Variants in SMR3A observed in about 807,000 individuals in gnomAD.
SMR3A encodes the protein submaxillary gland androgen-regulated protein 3A.
For missense variants in SMR3A, 188 were observed against 163.0 expected, an observed-to-expected ratio of 1.15 and a Z score of -0.84; for synonymous variants, 48 against 57.4, an observed-to-expected ratio of 0.84 and a Z score of 0.74.
intron 2 of SMR3A, among the ~76,000 whole-genome samples, chr4:70,364,301 G>C (rs1424373504): frequency 6.6e-6 from 1 of 151,840 alleles, no homozygotes; most frequent in Non-Finnish European, 1.5e-5. Flanking sequence ...AGAATCAAGA[G>C]GTCAAATCAA....
At position 70,362,147 on chromosome 4, in the gene SMR3A, G is replaced by C. The variant is rs1193599381; in HGVS notation, c.32G>C (p.Trp11Ser). 1.9e-6 allele frequency: 3 copies of C among 1,611,842 alleles called. No individual in the cohort carries two copies. The highest frequency in any genetic ancestry group is 2.5e-6 in the Non-Finnish European group (3 of 1,178,406). Reference protein sequence around the residue: MKSLTWILGLWALAACFTPGE... With the variant: MKSLTWILGLSALAACFTPGE... ...TCACTGACTTGGATCTTGGGCCTTT[G>C]GGCTCTTGCAGCGTGTTTCACAGTA... Residue 11 changes from tryptophan (W) to serine (S), a missense_variant, in exon 2 of 3, where the codon TGG becomes TCG. Coordinates refer to ENST00000226460, the MANE Select transcript of SMR3A (RefSeq NM_012390.4).
chr4:70,365,004 A>G (rs1049560873), intron 2 of SMR3A, among the ~76,000 whole-genome samples: 1 of 152,004 alleles, frequency 6.6e-6, no homozygotes, highest in African/African-American at 2.4e-5. Flanking sequence ...TTTGTGCCCT[A>G]TATAAACCAT....
intron 2 of SMR3A, among the ~76,000 whole-genome samples, chr4:70,363,602 A>G (rs533838714): frequency 1.7e-4 from 26 of 151,992 alleles, no homozygotes; most frequent in Middle Eastern, 3.4e-3. Flanking sequence ...TTGAGAGGGG[A>G]GTGTTTCTTC....
At chr4:70,362,945 A>G (rs995943499) in intron 2 of SMR3A, among the ~76,000 whole-genome samples, 5 of 151,888 alleles carry the variant, frequency 3.3e-5, no homozygotes, top group Non-Finnish European at 4.4e-5. Context: ...AACATGAAAC[A>G]TAAAATAATA....
chr4:70,364,362 C>G (rs1366099030), intron 2 of SMR3A, among the ~76,000 whole-genome samples: 1 of 151,506 alleles, frequency 6.6e-6, no homozygotes, highest in Non-Finnish European at 1.5e-5. Context: ...AGAATGAAAG[C>G]AAGAAAGATG....
rs1229494160 is a variant in SMR3A at position 70,366,746 on chromosome 4, C to G, written c.157C>G (p.Pro53Ala). 12 of 1,612,186 alleles carry G rather than the reference C, an allele frequency of 7.4e-6. No individual in the cohort carries two copies. The highest frequency in any genetic ancestry group is 9.3e-6 in the Non-Finnish European group (11 of 1,178,618). The change falls in exon 3 of 3, where the codon CCC becomes GCC. Residue 53 changes from proline (P) to alanine (A), a missense_variant. Pro to Ala is a conservative substitution (Grantham distance 27). Transcript: ENST00000226460. ...TTTTGGAACAGGATTTGTTCCACCA[C>G]CCCATCCTCCACCCTATGGTCCAGG... ...FPFGTGFVPPPHPPPYGPGRF... is the reference protein window; with the variant it reads ...FPFGTGFVPPAHPPPYGPGRF...
Position 70,366,912 on chromosome 4 carries a change from A to G in SMR3A, c.323A>G (p.Gln108Arg), listed in dbSNP as rs770925112. 2 of 1,613,296 alleles carry G rather than the reference A, an allele frequency of 1.2e-6. No homozygotes were observed. Among genetic ancestry groups the G allele is most frequent in the African/African-American group, 2.7e-5 (2 of 74,752 alleles). Reference protein sequence around the residue: ...YGPGYPQPPSQPRPYPPGPPF... With the variant: ...YGPGYPQPPSRPRPYPPGPPF... ...CCAGGTTATCCACAGCCACCTTCCC[A>G]ACCAAGACCCTATCCACCTGGACCT... Residue 108 changes from glutamine (Q) to arginine (R), a missense_variant, in exon 3 of 3, where the codon CAA becomes CGA. By Grantham distance (43) the Gln-to-Arg change is conservative. Transcript: ENST00000226460.
At chr4:70,362,357 G>A (rs562733598) in intron 2 of SMR3A, among the ~76,000 whole-genome samples, 188 bp downstream of exon 2, 1 of 151,898 alleles carries the variant, frequency 6.6e-6, no homozygotes, top group South Asian at 2.1e-4. Flanking sequence ...CCATATGTCT[G>A]ATGGCTACAA....
rs1299473951 is a variant in SMR3A at position 70,366,797 on chromosome 4, C to A, written c.208C>A (p.Pro70Thr). Residue 70 changes from proline to threonine, a missense_variant, in exon 3 of 3, where the codon CCC (proline) becomes ACC (threonine). Transcript: ENST00000226460. ...PGRFPPPLSP[P>T]YGPGRIPPSP... is the part of the protein sequence containing the mutation. Reference sequence around the variant, plus strand: ...GAGATTTCCACCACCCCTTTCTCCACCCTATGGTCCAGGGAGAATCCCACC... The same window carrying A: ...GAGATTTCCACCACCCCTTTCTCCAACCTATGGTCCAGGGAGAATCCCACC... 1 of 1,613,508 alleles carries A rather than the reference C, an allele frequency of 6.2e-7. No homozygotes were observed. Among genetic ancestry groups the A allele is most frequent in the South Asian group, 1.1e-5 (1 of 91,062 alleles).
In SMR3A at chr4:70,366,663, G is replaced by T. The variant is rs377303942; in HGVS notation, c.74G>T (p.Gly25Val). The T allele has an allele frequency of 1.2e-5, 19 of 1,609,600 alleles. No homozygotes were observed. In the Admixed American group the frequency reaches 2.0e-4, roughly 17 times the overall value. The change falls in exon 3 of 3, where the codon GGC becomes GTC. Residue 25 changes from glycine (G) to valine (V), a missense_variant. By Grantham distance (109) the Gly-to-Val change is moderately radical. Transcript: ENST00000226460. The stretch of plus-strand genomic sequence containing the variant: ...CCACAGCCTGGTGAGAGTCAAAGAG[G>T]CCCCAGGGGACCATATCCACCTGGA... ...ACFTPGESQR[G>V]PRGPYPPGPL...
At chr4:70,366,052 A>T (rs1055815267) in intron 2 of SMR3A, among the ~76,000 whole-genome samples, 15 of 152,044 alleles carry the variant, frequency 9.9e-5, no homozygotes, top group African/African-American at 2.7e-4. Flanking sequence ...AAGTTCATAC[A>T]TCATAACTTA....
chr4:70,365,372 C>T (rs138998399), intron 2 of SMR3A, among the ~76,000 whole-genome samples: 107 of 152,092 alleles, frequency 7.0e-4, no homozygotes, highest in African/African-American at 2.5e-3. Flanking sequence ...CCACCATATC[C>T]AGCCTCAGCT....
intron 2 of SMR3A, among the ~76,000 whole-genome samples, chr4:70,362,931 C>G (rs1022476196): frequency 1.3e-5 from 2 of 151,818 alleles, no homozygotes; most frequent in African/African-American, 4.8e-5. Context: ...TTATATCATT[C>G]TGAAACATGA....
At chr4:70,366,464 T>C (rs1732263415) in intron 2 of SMR3A, among the ~76,000 whole-genome samples, 180 bp from the exon 3 acceptor site, 1 of 152,082 alleles carries the variant, frequency 6.6e-6, no homozygotes, top group African/African-American at 2.4e-5. Context: ...CTCTGATTCC[T>C]TCTCACATTG....
Position 70,367,057 on chromosome 4 carries a change from C to T in SMR3A, c.*63C>T. The T allele has an allele frequency of 1.5e-6, 2 of 1,363,626 alleles. No homozygotes were observed. Among genetic ancestry groups the T allele is most frequent in the Non-Finnish European group, 2.1e-6 (2 of 967,520 alleles). 84.5% of individuals were successfully genotyped at this position (1,363,626 alleles called of 1,614,324 possible). On this transcript the variant is annotated 3_prime_UTR_variant, in exon 3 of 3. Transcript: ENST00000226460. ...GACAACACTACCCTCGTAACTACTG[C>T]TTCTACTACCCAAAAATAAGAATTT...
rs1365311404 is a variant in SMR3A at position 70,360,851 on chromosome 4, C to A, written c.-15+9C>A. 6.6e-6 allele frequency: 1 copy of A among 151,846 alleles called. No individual in the cohort carries two copies. 9.4% of individuals were successfully genotyped at this position (151,846 alleles called of 1,614,324 possible). The stretch of plus-strand genomic sequence containing the variant: ...CAGATCCTCACGCAAAGGTATGTAC[C>A]TGGAAATATTAACTGAAGAAATTTT... On this transcript the variant is annotated intron_variant, in intron 1 of 2. Transcript: ENST00000226460.
At position 70,366,865 on chromosome 4, in the gene SMR3A, C is replaced by T. The variant is rs1732276425; in HGVS notation, c.276C>T (p.His92=). The change falls in exon 3 of 3, where the codon CAC becomes CAT. Residue 92 remains histidine, a synonymous_variant. Transcript: ENST00000226460. ...ATGGTCCAGGGAGAATTCAATCACACTCTCTTCCTCCTCCTTATGGCCCAG... is the reference window on the plus strand; with the variant it reads ...ATGGTCCAGGGAGAATTCAATCACATTCTCTTCCTCCTCCTTATGGCCCAG... ...PPYGPGRIQS[H]SLPPPYGPGY... The T allele has an allele frequency of 6.2e-7, 1 of 1,613,470 alleles. No individual in the cohort carries two copies. The highest frequency in any genetic ancestry group is 1.3e-5 in the African/African-American group (1 of 74,830).
At chr4:70,362,442 C>G (rs1023648028) in intron 2 of SMR3A, among the ~76,000 whole-genome samples, 1 of 151,784 alleles carries the variant, frequency 6.6e-6, no homozygotes, top group Admixed American at 6.6e-5. Flanking sequence ...CATACTCTAG[C>G]AATTACACAA....
chr4:70,361,322 A>G (rs2109750284), intron 1 of SMR3A, among the ~76,000 whole-genome samples: 1 of 151,966 alleles, frequency 6.6e-6, no homozygotes, highest in South Asian at 2.1e-4. Context: ...AACACACTCA[A>G]CCTATGTGCA....
Sources: allele counts gnomAD v4.1 joint callset (sites outside exome capture counted in the v4.1 genomes callset), GRCh38; gene constraint gnomAD v4.1.1; transcripts MANE v1.5; gene names NCBI Gene and HGNC (gene_info 2026-07-23, HGNC 2026-07-21).